The following LRP5 variants were observed in gnomAD, a reference collection of about 807,000 sequenced individuals.
The protein encoded by LRP5 is low-density lipoprotein receptor-related protein 5.
Under a neutral mutation model 154.1 loss-of-function variants are expected in LRP5, and 62 were observed. The observed-to-expected ratio is 0.40, with a 90% CI of 0.33 to 0.50. The LOEUF (loss-of-function observed/expected upper bound fraction) is 0.50. Among genes scored for constraint, LRP5 ranks in the 20% least tolerant of loss-of-function variants. The pLI is 0.55. For missense variants in LRP5, 1,915 were observed against 2,336.7 expected (o/e 0.82, Z 3.72); for synonymous variants, 966 against 1,011.5 (o/e 0.96, Z 0.85).
rs567406889 is a variant in LRP5 at position 68,411,828 on chromosome 11, G to A, written c.2503+208G>A. Among the ~76,000 whole-genome samples, 8 of 152,312 alleles carry A rather than the reference G, an allele frequency of 5.3e-5. No individual in the cohort carries two copies. In the South Asian group the frequency reaches 8.3e-4, roughly 16 times the overall value. On this transcript the variant is annotated intron_variant, in intron 11 of 22. Coordinates refer to ENST00000294304, the MANE Select transcript of LRP5 (RefSeq NM_002335.4). ...TGGGTGCCTTTGCTGCAGTTATGTC[G>A]GGAGAGGCTCTGGTGACAGCTGTTT...
intron 5 of LRP5, among the ~76,000 whole-genome samples, chr11:68,371,843 C>T (rs1339974581): frequency 3.9e-5 from 6 of 152,266 alleles, no homozygotes; most frequent in South Asian, 2.1e-4. Context: ...CCAGAAGGAG[C>T]GGTGCCCATG....
At chr11:68,343,224 G>T (rs1372165173) in intron 1 of LRP5, among the ~76,000 whole-genome samples, 1 of 152,222 alleles carries the variant, frequency 6.6e-6, no homozygotes, top group African/African-American at 2.4e-5. Flanking sequence ...CTATGTCATT[G>T]TTGTCCAAGG....
chr11:68,310,951 G>A (rs971751030), upstream of LRP5, among the ~76,000 whole-genome samples: 4 of 151,868 alleles, frequency 2.6e-5, no homozygotes, highest in African/African-American at 9.7e-5. Flanking sequence ...TGCAGGTGCC[G>A]AAGGCTTTTG....
chr11:68,372,995 T>G (rs986008251), intron 5 of LRP5, among the ~76,000 whole-genome samples: 18 of 151,492 alleles, frequency 1.2e-4, no homozygotes, highest in African/African-American at 4.4e-4. Flanking sequence ...ACGCACCCAC[T>G]CCACCAGAAG....
upstream of LRP5, among the ~76,000 whole-genome samples, chr11:68,310,320 C>A (rs146073409): frequency 6.6e-6 from 1 of 152,090 alleles, no homozygotes; most frequent in Non-Finnish European, 1.5e-5. Context: ...GGCATGATGG[C>A]CCCTCTCTGT....
At chr11:68,301,751 G>A in the LRP5 span, among the ~76,000 whole-genome samples, 44,580 of 144,096 alleles carry the variant, frequency 0.31, 9,866 homozygotes, top group South Asian at 0.58. Context: ...TCAGCCTCCC[G>A]AGTAGCTGGG....
chr11:68,330,248 G>T, intron 1 of LRP5, among the ~76,000 whole-genome samples: 1 of 144,984 alleles, frequency 6.9e-6, no homozygotes. Context: ...CCAGCCCCTT[G>T]TCAGCACATG....
intron 13 of LRP5, among the ~76,000 whole-genome samples, chr11:68,421,781 G>GGTGT (rs1217468331): frequency 1.5e-5 from 2 of 132,504 alleles, no homozygotes; most frequent in East Asian, 4.2e-4. Context: ...TCCATCTGGG[G>GGTGT]GTGTGTGTGT....
chr11:68,407,864 G>A (rs2098656635), intron 9 of LRP5, among the ~76,000 whole-genome samples: 1 of 151,528 alleles, frequency 6.6e-6, no homozygotes, highest in Non-Finnish European at 1.5e-5. Flanking sequence ...AAAAAAGTTT[G>A]ATTGGTGTAA....
chr11:68,411,956 C>T (rs987879992), intron 11 of LRP5, among the ~76,000 whole-genome samples: 16 of 152,276 alleles, frequency 1.1e-4, no homozygotes, highest in African/African-American at 3.4e-4. Context: ...AAGCTGAGGC[C>T]TGAGCACATG....
chr11:68,303,953 A>G, the LRP5 span, among the ~76,000 whole-genome samples: 1 of 152,258 alleles, frequency 6.6e-6, no homozygotes, highest in African/African-American at 2.4e-5. Context: ...CCATGTGACA[A>G]AGAAAGAAAA....
At position 68,436,869 on chromosome 11, in the gene LRP5, T is replaced by C; in HGVS notation, c.4001-20T>C. Reference sequence around the variant, plus strand: ...GGGGGCACCCTCCAGCCTCTCTGAGTGCATGGCCTCTCCTTGCAGCCATCT... The same window carrying C: ...GGGGGCACCCTCCAGCCTCTCTGAGCGCATGGCCTCTCCTTGCAGCCATCT... On this transcript the variant is annotated intron_variant, in intron 18 of 22. Coordinates refer to ENST00000294304, the MANE Select transcript of LRP5 (RefSeq NM_002335.4). 6.3e-7 allele frequency: 1 copy of C among 1,594,544 alleles called. No homozygotes were observed. Among genetic ancestry groups the C allele is most frequent in the South Asian group, 1.1e-5 (1 of 90,732 alleles).
intron 1 of LRP5, among the ~76,000 whole-genome samples, chr11:68,345,271 T>G (rs2098611958): frequency 2.0e-5 from 3 of 152,000 alleles, no homozygotes; most frequent in Admixed American, 1.3e-4. Flanking sequence ...GCTTCCATGT[T>G]TGTTTGTTTT....
chr11:68,385,089 CAAGT>C (rs1161738928), intron 5 of LRP5, among the ~76,000 whole-genome samples: 1 of 152,204 alleles, frequency 6.6e-6, no homozygotes. Context: ...TCAACACGTG[CAAGT>C]CTTAGGGGCT....
chr11:68,355,346 A>G (rs899607381), intron 2 of LRP5, among the ~76,000 whole-genome samples: 1 of 152,182 alleles, frequency 6.6e-6, no homozygotes, highest in African/African-American at 2.4e-5. Flanking sequence ...CACCCCAGGA[A>G]GAAGGGAGCA....
At chr11:68,351,036 C>T (rs2098618068) in intron 2 of LRP5, among the ~76,000 whole-genome samples, 1 of 152,008 alleles carries the variant, frequency 6.6e-6, no homozygotes, top group Non-Finnish European at 1.5e-5. Flanking sequence ...GTGTATGTGC[C>T]CGTGTGAGCG....
chr11:68,357,540 T>G, intron 2 of LRP5, 110 bp from the exon 3 acceptor site: 213 of 1,001,572 alleles, frequency 2.1e-4, no homozygotes, highest in Non-Finnish European at 2.9e-4. Context: ...TTCCGATGGG[T>G]GAGATTTTAG....
intron 5 of LRP5, among the ~76,000 whole-genome samples, chr11:68,370,469 T>C (rs1017846713): frequency 6.6e-6 from 1 of 152,034 alleles, no homozygotes; most frequent in African/African-American, 2.4e-5. Context: ...GCCTGGTGGC[T>C]CTGGCCCCAG....
At chr11:68,435,590 C>T (rs1784229307) in intron 18 of LRP5, among the ~76,000 whole-genome samples, 1 of 152,274 alleles carries the variant, frequency 6.6e-6, no homozygotes, top group South Asian at 2.1e-4. Flanking sequence ...AGCCCATTTG[C>T]TACTGCGGAG....
Sources: allele counts gnomAD v4.1 joint callset (sites outside exome capture counted in the v4.1 genomes callset), GRCh38; gene constraint gnomAD v4.1.1; transcripts MANE v1.5; gene names NCBI Gene and HGNC (gene_info 2026-07-23, HGNC 2026-07-21).